The following GRM3 variants were observed in gnomAD, a reference collection of about 807,000 sequenced individuals.
GRM3 encodes glutamate metabotropic receptor 3.
A neutral mutation model predicts 70.5 loss-of-function variants in GRM3; 26 were observed. The observed-to-expected ratio is 0.37, with a 90% CI of 0.27 to 0.51. The LOEUF is 0.51. Among genes scored for constraint, GRM3 ranks in the 20% least tolerant of loss-of-function variants. The pLI, the probability that GRM3 is intolerant of heterozygous loss-of-function variation, is 0.93. For missense variants in GRM3, 859 were observed against 1,123.8 expected (o/e 0.76, Z 3.37); for synonymous variants, 443 against 434.9 (o/e 1.02, Z -0.23).
Position 86,694,707 on chromosome 7 carries a change from C to T in GRM3, c.-141+49835C>T, listed in dbSNP as rs539587626. 3.3e-5 allele frequency among the ~76,000 whole-genome samples: 5 copies of T among 152,160 alleles called. No homozygotes were observed. In the South Asian group the frequency reaches 1.0e-3, roughly 32 times the overall value. On this transcript the variant is annotated intron_variant, in intron 1 of 5. Coordinates refer to ENST00000361669, the MANE Select transcript of GRM3 (RefSeq NM_000840.3). ...ATATTTATTTTAAAGTATCTGGTTT[C>T]ACTTAACAAGTGACTTTTTTATTTG... is the stretch of plus-strand genomic sequence containing the variant.
intron 3 of GRM3, among the ~76,000 whole-genome samples, chr7:86,806,938 G>T (rs1295869463): frequency 6.7e-6 from 1 of 149,658 alleles, no homozygotes; most frequent in Non-Finnish European, 1.5e-5. Context: ...TTTAAGGAGG[G>T]GGTCCAGTTT....
intron 3 of GRM3, among the ~76,000 whole-genome samples, chr7:86,797,577 C>G (rs908682850): frequency 1.3e-5 from 2 of 152,106 alleles, no homozygotes; most frequent in Admixed American, 1.3e-4. Context: ...GGAATTGGAA[C>G]TTATGTTTAA....
intron 3 of GRM3, among the ~76,000 whole-genome samples, chr7:86,805,173 T>A (rs1458891229): frequency 6.6e-6 from 1 of 152,188 alleles, no homozygotes; most frequent in Non-Finnish European, 1.5e-5. Flanking sequence ...CACACTGAGA[T>A]TTCCTAAAGG....
chr7:86,695,789 C>T (rs1025276917), intron 1 of GRM3, among the ~76,000 whole-genome samples: 2 of 151,956 alleles, frequency 1.3e-5, no homozygotes, highest in Non-Finnish European at 2.9e-5. Flanking sequence ...GGCTAGCTTC[C>T]CCTAAAACTC....
At chr7:86,806,319 G>A (rs1451877274) in intron 3 of GRM3, among the ~76,000 whole-genome samples, 28 of 152,100 alleles carry the variant, frequency 1.8e-4, no homozygotes, top group Admixed American at 1.2e-3. Context: ...CTGAGGAATC[G>A]CCACACTGAC....
At chr7:86,836,080 C>T (rs1333431940) in intron 3 of GRM3, among the ~76,000 whole-genome samples, 7 of 152,092 alleles carry the variant, frequency 4.6e-5, no homozygotes, top group Non-Finnish European at 8.8e-5. Context: ...GATGTGTTTC[C>T]TGTCAGTTTG....
intron 1 of GRM3, among the ~76,000 whole-genome samples, chr7:86,747,754 G>A (rs1248588163): frequency 2.6e-5 from 4 of 152,070 alleles, no homozygotes; most frequent in Admixed American, 6.6e-5. Context: ...ATAATCAGCT[G>A]TTTTTATTAA....
intron 1 of GRM3, among the ~76,000 whole-genome samples, chr7:86,645,434 T>C (rs1793434622): frequency 6.6e-6 from 1 of 152,170 alleles, no homozygotes. Context: ...CTTTGCTCCT[T>C]TTGGCTTGAG....
At chr7:86,821,818 C>T (rs1043345714) in intron 3 of GRM3, among the ~76,000 whole-genome samples, 5 of 152,052 alleles carry the variant, frequency 3.3e-5, no homozygotes, top group African/African-American at 1.2e-4. Flanking sequence ...TTAATTTTTC[C>T]CTCTCCTCAT....
chr7:86,863,438 A>C lies in GRM3; in HGVS notation c.2567-844A>C, dbSNP rs1043152331. Among the ~76,000 whole-genome samples the C allele has an allele frequency of 1.1e-4, 16 of 152,152 alleles. No homozygotes were observed. The East Asian group carries it at 1.4e-3, about 13-fold the overall frequency. ...GAAATTTATTCTCTCTCAGTTATGG[A>C]GGCTGAAAGTCTGAAAGGAAAGCAT... is the stretch of plus-strand genomic sequence containing the variant. On this transcript the variant is annotated intron_variant, in intron 5 of 5. Transcript: ENST00000361669.
At chr7:86,709,192 A>G (rs7794904) in intron 1 of GRM3, among the ~76,000 whole-genome samples, 7,110 of 152,028 alleles carry the variant, frequency 0.047, 417 homozygotes, top group African/African-American at 0.14. Context: ...TTTAAGCCCA[A>G]TTGTATTTTG....
chr7:86,798,356 A>T (rs773779908), intron 3 of GRM3, among the ~76,000 whole-genome samples: 1 of 152,146 alleles, frequency 6.6e-6, no homozygotes, highest in Non-Finnish European at 1.5e-5. Context: ...GCCCAAGACC[A>T]TGGGAACCCA....
intron 1 of GRM3, among the ~76,000 whole-genome samples, chr7:86,756,939 A>C (rs1196217344): frequency 6.6e-6 from 1 of 151,958 alleles, no homozygotes; most frequent in Non-Finnish European, 1.5e-5. Context: ...TCCATTTTCA[A>C]GTTTATTATT....
chr7:86,850,537 C>T lies in GRM3; in HGVS notation c.2559C>T (p.Tyr853=), dbSNP rs56114051. 3.0e-4 allele frequency: 484 copies of T among 1,599,528 alleles called. 4 individuals carry two copies. In the South Asian group the frequency reaches 4.1e-3, roughly 14 times the overall value. The change falls in exon 5 of 6, where the codon TAC becomes TAT. Residue 853 remains tyrosine (Y), a synonymous_variant. Transcript: ENST00000361669. The part of the protein sequence containing the change: ...RFSVSGTGTT[Y]SQSSASTYVP... The stretch of plus-strand genomic sequence containing the variant: ...GTGTCAGTGGAACTGGGACCACATA[C>T]TCTCAGTGTAAGTATGGAACTCAGC...
At chr7:86,763,311 G>T (rs1231680285) in intron 1 of GRM3, among the ~76,000 whole-genome samples, 1 of 152,132 alleles carries the variant, frequency 6.6e-6, no homozygotes, top group Non-Finnish European at 1.5e-5. Context: ...CCTGTCAGAA[G>T]AATGCTCCAG....
At position 86,718,116 on chromosome 7, in the gene GRM3, C is replaced by T. The variant is rs184662691; in HGVS notation, c.-140-46890C>T. Among the ~76,000 whole-genome samples, 101 of 151,942 alleles carry T rather than the reference C, an allele frequency of 6.6e-4. 3 individuals are homozygous for T. The East Asian group carries it at 0.014, about 21-fold the overall frequency. Reference sequence around the variant, plus strand: ...TGTGATATTTTAGCCTTTAAATGTGCCTTATTAGCAGGGTTTTATAAAAAT... The same window carrying T: ...TGTGATATTTTAGCCTTTAAATGTGTCTTATTAGCAGGGTTTTATAAAAAT... On this transcript the variant is annotated intron_variant, in intron 1 of 5. Transcript: ENST00000361669.
intron 1 of GRM3, among the ~76,000 whole-genome samples, chr7:86,684,919 T>A (rs1452172048): frequency 1.3e-5 from 2 of 152,330 alleles, no homozygotes; most frequent in East Asian, 3.9e-4. Flanking sequence ...AGATGACCTA[T>A]ATCAGAGAGA....
At chr7:86,695,042 T>C (rs765665016) in intron 1 of GRM3, among the ~76,000 whole-genome samples, 78 of 152,310 alleles carry the variant, frequency 5.1e-4, no homozygotes, top group Admixed American at 1.2e-3. Context: ...ATCAGGCCCT[T>C]AAAAGTAGTC....
At chr7:86,847,900 C>T (rs1430527926) in intron 4 of GRM3, among the ~76,000 whole-genome samples, 3 of 152,106 alleles carry the variant, frequency 2.0e-5, no homozygotes, top group Admixed American at 6.6e-5. Flanking sequence ...AATTTTATAA[C>T]AGGTATACTG....
Sources: allele counts gnomAD v4.1 joint callset (sites outside exome capture counted in the v4.1 genomes callset), GRCh38; gene constraint gnomAD v4.1.1; transcripts MANE v1.5; gene names NCBI Gene and HGNC (gene_info 2026-07-23, HGNC 2026-07-21).